The following OLIG2 variants were observed in gnomAD, a reference collection of about 807,000 sequenced individuals.
OLIG2 encodes basic domain, helix-loop-helix protein, class B, 1.
A neutral mutation model predicts 13.4 loss-of-function variants in OLIG2; 12 were observed. The ratio of observed to expected loss-of-function variants is 0.90; its 90% CI spans 0.58 to 1.46. The LOEUF (loss-of-function observed/expected upper bound fraction) is 1.46. OLIG2 is among the 40% of genes most tolerant of loss of function. The probability of loss-of-function intolerance (pLI) is 0.00; values close to 1 mark genes in which losing one functional copy is unlikely to be tolerated. For synonymous variants in OLIG2, 250 were observed against 233.6 expected (o/e 1.07, Z -0.64); for missense variants, 415 against 487.9 (o/e 0.85, Z 1.41).
At position 33,027,755 on chromosome 21, in the gene OLIG2, GC is replaced by G; in HGVS notation, c.895del (p.Gln299ArgfsTer90). On this transcript the variant is annotated frameshift_variant, in exon 2 of 2. Transcript: ENST00000382357. LOFTEE classifies it high-confidence loss of function. ...GGCATGCCCTGCCCCTGCAGCATGTGCCAGGTGCCGCCGCCGCACCACCACG... is the reference window on the plus strand; with the variant it reads ...GGCATGCCCTGCCCCTGCAGCATGTGCAGGTGCCGCCGCCGCACCACCACG... ...WGGMPCPCSM[C>X]QVPPPHHHVS... The G allele has an allele frequency of 7.1e-7, 1 of 1,406,256 alleles. No homozygotes were observed. The highest frequency in any genetic ancestry group is 9.2e-7 in the Non-Finnish European group (1 of 1,086,032). The allele number at this position is 1,406,256 out of a possible 1,614,324, so 87.1% of individuals were successfully genotyped here.
In OLIG2 at chr21:33,027,340, C is replaced by T. The variant is rs986365170; in HGVS notation, c.478C>T (p.Leu160Phe). 1.3e-6 allele frequency: 2 copies of T among 1,574,250 alleles called. No homozygotes were observed. Among genetic ancestry groups the T allele is most frequent in the Non-Finnish European group, 1.7e-6 (2 of 1,160,304 alleles). Reference sequence around the variant, plus strand: ...GCTGCTGCTGGCGCGCAACTACATCCTCATGCTCACCAACTCGCTGGAGGA... The same window carrying T: ...GCTGCTGCTGGCGCGCAACTACATCTTCATGCTCACCAACTCGCTGGAGGA... ...ATLLLARNYI[L>F]MLTNSLEEMK... is the part of the protein sequence containing the mutation. Residue 160 changes from leucine (L) to phenylalanine (F), a missense_variant, in exon 2 of 2, where the codon CTC (leucine) becomes TTC (phenylalanine). Transcript: ENST00000382357.
rs1401436545 is a variant in OLIG2, at chr21:33,026,568, G to C, written c.-62-233G>C. ...CTCCCTGAAATAACCTGTTGCATGA[G>C]AGCAGAGGGGAGATAGAGAGAGCTT... On this transcript the variant is annotated intron_variant, in intron 1 of 1. Transcript: ENST00000382357. This position sits in a 1 kb window ranked among gnomAD's most constrained non-coding sequence, Gnocchi z 6.6. 3 of 458,680 alleles carry C rather than the reference G, an allele frequency of 6.5e-6. No individual in the cohort carries two copies. Among genetic ancestry groups the C allele is most frequent in the East Asian group, 8.0e-5 (2 of 25,032 alleles). The allele number at this position is 458,680 out of a possible 1,614,324, so 28.4% of individuals were successfully genotyped here. A position where few individuals can be genotyped will look rare whatever the true frequency, so the allele number is the denominator to read the frequency against.
At position 33,028,708 on chromosome 21, in the gene OLIG2, G is replaced by A. The variant is rs1981205192; in HGVS notation, c.*874G>A. The A allele has an allele frequency of 4.1e-6, 1 of 241,132 alleles. No individual in the cohort carries two copies. The highest frequency in any genetic ancestry group is 5.7e-5 in the Admixed American group (1 of 17,554). 14.9% of individuals were successfully genotyped at this position (241,132 alleles called of 1,614,324 possible). ...TCATCTTTCCTTCTCTAAGCACAAA[G>A]TGATTTGGTTATTTTGGTACCTGAG... is the stretch of plus-strand genomic sequence containing the variant. On this transcript the variant is annotated 3_prime_UTR_variant, in exon 2 of 2. Coordinates refer to ENST00000382357, the MANE Select transcript of OLIG2 (RefSeq NM_005806.4).
Sources: gnomAD v4.1 joint callset for allele counts on GRCh38, gnomAD v4.1.1 for gene constraint, Gnocchi (gnomAD v3.1) non-coding constraint, MANE v1.5 for transcripts, NCBI Gene and HGNC (gene_info 2026-07-23, HGNC 2026-07-21) for gene names.